CDK14: variants seen among roughly 807,000 people sequenced by gnomAD.
CDK14 encodes the protein cyclin-dependent kinase 14.
Under a neutral mutation model 60.7 loss-of-function variants are expected in CDK14, and 34 were observed. That is an observed-to-expected ratio of 0.56 (90% CI 0.43 to 0.75). CDK14 has a LOEUF of 0.75. Ranked by LOEUF, CDK14 falls within the 30% of genes least tolerant of loss-of-function variation. The pLI, the probability that CDK14 is intolerant of heterozygous loss-of-function variation, is 0.00. For missense variants in CDK14, 482 were observed against 564.1 expected, an observed-to-expected ratio of 0.85 and a Z score of 1.47; for synonymous variants, 197 against 203.7, an observed-to-expected ratio of 0.97 and a Z score of 0.28.
At chr7:90,908,353 C>A (rs2117384332) in intron 7 of CDK14, among the ~76,000 whole-genome samples, 1 of 152,104 alleles carries the variant, frequency 6.6e-6, no homozygotes, top group South Asian at 2.1e-4. Flanking sequence ...AATTTGGATC[C>A]AGCAAAAGAA....
At position 90,636,970 on chromosome 7, in the gene CDK14, C is replaced by T. The variant is rs368634275; in HGVS notation, c.123+32721C>T. 2.7e-3 allele frequency among the ~76,000 whole-genome samples: 414 copies of T among 151,254 alleles called. 2 individuals carry two copies. Among genetic ancestry groups the T allele is most frequent in the African/African-American group, 8.8e-3 (361 of 41,224 alleles). On this transcript the variant is annotated intron_variant, in intron 2 of 14. Transcript: ENST00000380050. ...ATGGTAGTTTGTATTTCTGTGGGAT[C>T]GGTGGTGATATCCCCTTTATCATTT... is the stretch of plus-strand genomic sequence containing the variant.
intron 14 of CDK14, among the ~76,000 whole-genome samples, chr7:91,189,891 T>C (rs1311142693): frequency 1.3e-5 from 2 of 152,176 alleles, no homozygotes; most frequent in African/African-American, 4.8e-5. Context: ...AACCTGAGTG[T>C]TAGTTTCAAC....
chr7:91,172,678 T>C (rs1294012779), intron 14 of CDK14, among the ~76,000 whole-genome samples: 1 of 152,190 alleles, frequency 6.6e-6, no homozygotes, highest in Admixed American at 6.5e-5. Context: ...ACACAGTTGC[T>C]TGGGGTACAG....
chr7:91,186,570 T>A (rs936283291), intron 14 of CDK14, among the ~76,000 whole-genome samples: 1 of 151,932 alleles, frequency 6.6e-6, no homozygotes. Flanking sequence ...TTACAAAAGC[T>A]TTGTCTTCCA....
intron 11 of CDK14, among the ~76,000 whole-genome samples, chr7:91,075,751 A>G (rs948701247): frequency 6.6e-6 from 1 of 152,248 alleles, no homozygotes; most frequent in African/African-American, 2.4e-5. Flanking sequence ...TCTTAAGCTG[A>G]TAAGGAACTT....
chr7:90,724,033 T>C (rs1018422804), intron 2 of CDK14, among the ~76,000 whole-genome samples: 47 of 152,336 alleles, frequency 3.1e-4, no homozygotes, highest in African/African-American at 1.0e-3. Context: ...TAATGTTTGT[T>C]TTAACTTCAC....
chr7:90,973,586 C>A (rs1377565924), intron 9 of CDK14, among the ~76,000 whole-genome samples: 1 of 152,154 alleles, frequency 6.6e-6, no homozygotes, highest in Non-Finnish European at 1.5e-5. Flanking sequence ...AACGTAGGTT[C>A]TTTCTATTTT....
intron 2 of CDK14, among the ~76,000 whole-genome samples, chr7:90,678,907 C>T (rs1801257385): frequency 6.6e-6 from 1 of 152,112 alleles, no homozygotes; most frequent in Non-Finnish European, 1.5e-5. Flanking sequence ...ACAAAGGAAT[C>T]GTATCAGGAA....
At chr7:90,636,148 C>G (rs1458240302) in intron 2 of CDK14, among the ~76,000 whole-genome samples, 1 of 151,224 alleles carries the variant, frequency 6.6e-6, no homozygotes, top group Admixed American at 6.6e-5. Context: ...CCTAATTGCC[C>G]TGGCCAGAAC....
At chr7:90,772,469 G>C (rs1804824004) in intron 4 of CDK14, among the ~76,000 whole-genome samples, 1 of 152,170 alleles carries the variant, frequency 6.6e-6, no homozygotes. Context: ...GTTTGGGGAG[G>C]GACCTTGTGG....
At chr7:90,881,698 T>A (rs1486442282) in intron 6 of CDK14, among the ~76,000 whole-genome samples, 1 of 152,086 alleles carries the variant, frequency 6.6e-6, no homozygotes, top group Non-Finnish European at 1.5e-5. Flanking sequence ...AAAGGCCGGG[T>A]CACCTACAAA....
At chr7:91,198,153 T>G (rs1366070637) in intron 14 of CDK14, among the ~76,000 whole-genome samples, 2 of 152,192 alleles carry the variant, frequency 1.3e-5, no homozygotes, top group African/African-American at 4.8e-5. Context: ...CATGTCACTG[T>G]CAGGATGTGT....
intron 2 of CDK14, among the ~76,000 whole-genome samples, chr7:90,681,378 G>T (rs1450241298): frequency 6.6e-6 from 1 of 152,132 alleles, no homozygotes; most frequent in Non-Finnish European, 1.5e-5. Flanking sequence ...TTCCATTACA[G>T]GCTTGGTGGA....
intron 14 of CDK14, among the ~76,000 whole-genome samples, chr7:91,126,653 C>T (rs1024756090): frequency 4.6e-5 from 7 of 151,876 alleles, no homozygotes; most frequent in African/African-American, 1.7e-4. Context: ...AGAGGTGTAG[C>T]TCTCAAAATG....
At chr7:90,907,748 A>T (rs1792758750) in intron 7 of CDK14, among the ~76,000 whole-genome samples, 1 of 152,108 alleles carries the variant, frequency 6.6e-6, no homozygotes. Context: ...AATTAAAAGG[A>T]TAGGAGGTTT....
At chr7:90,873,520 A>G (rs1302548839) in intron 6 of CDK14, among the ~76,000 whole-genome samples, 1 of 152,164 alleles carries the variant, frequency 6.6e-6, no homozygotes, top group African/African-American at 2.4e-5. Context: ...AGTTAATATC[A>G]CATAATGGTT....
At chr7:91,170,157 AGT>A (rs1434620390) in intron 14 of CDK14, among the ~76,000 whole-genome samples, 4 of 152,212 alleles carry the variant, frequency 2.6e-5, no homozygotes, top group Non-Finnish European at 5.9e-5. Flanking sequence ...GAGGTCAAAT[AGT>A]GATGCTATGA....
intron 12 of CDK14, among the ~76,000 whole-genome samples, chr7:91,092,558 A>G (rs1462221006): frequency 6.6e-6 from 1 of 152,252 alleles, no homozygotes; most frequent in Non-Finnish European, 1.5e-5. Flanking sequence ...GTTGATGAAC[A>G]TGCGAATTAT....
At chr7:90,744,427 G>A (rs1167739994) in intron 3 of CDK14, among the ~76,000 whole-genome samples, 1 of 152,186 alleles carries the variant, frequency 6.6e-6, no homozygotes, top group African/African-American at 2.4e-5. Flanking sequence ...TACAGACACG[G>A]CAACCATCTG....
Sources: allele counts gnomAD v4.1 joint callset (sites outside exome capture counted in the v4.1 genomes callset), GRCh38; gene constraint gnomAD v4.1.1; transcripts MANE v1.5; gene names NCBI Gene and HGNC (gene_info 2026-07-23, HGNC 2026-07-21).